Variants in PCSK5 observed in about 807,000 individuals in gnomAD.
The protein encoded by PCSK5 is proprotein convertase subtilisin/kexin type 5.
In PCSK5, 129 loss-of-function variants were observed where a neutral mutation model predicts 233.2. The observed-to-expected ratio is 0.55, with a 90% CI of 0.48 to 0.64. The LOEUF (loss-of-function observed/expected upper bound fraction) is 0.64. PCSK5 is among the 30% of genes least tolerant of loss of function. The pLI is 0.00. For missense variants in PCSK5, 2,076 were observed against 2,430.1 expected (o/e 0.85, Z 3.06); for synonymous variants, 825 against 879.2 (o/e 0.94, Z 1.09).
intron 7 of PCSK5, among the ~76,000 whole-genome samples, chr9:76,080,346 T>A (rs1370984064): frequency 6.6e-6 from 1 of 152,182 alleles, no homozygotes; most frequent in Non-Finnish European, 1.5e-5. Flanking sequence ...CCCTTCAGAA[T>A]CCCTTCTTTG....
At chr9:76,257,071 T>A (rs1314113062) in intron 24 of PCSK5, among the ~76,000 whole-genome samples, 1 of 152,220 alleles carries the variant, frequency 6.6e-6, no homozygotes, top group Non-Finnish European at 1.5e-5. Context: ...TCACCCTTTT[T>A]CTGAGAAGCC....
intron 5 of PCSK5, among the ~76,000 whole-genome samples, chr9:76,055,590 T>C (rs1413747475): frequency 6.6e-6 from 1 of 152,078 alleles, no homozygotes; most frequent in African/African-American, 2.4e-5. Context: ...TACTATCAAA[T>C]ATGCTGTCAT....
intron 3 of PCSK5, among the ~76,000 whole-genome samples, chr9:76,008,306 T>G (rs1396825728): frequency 6.6e-6 from 1 of 152,162 alleles, no homozygotes; most frequent in Non-Finnish European, 1.5e-5. Flanking sequence ...GTTTAAAAAT[T>G]TCATAGTTTC....
At chr9:76,102,053 C>T (rs546436583) in intron 8 of PCSK5, among the ~76,000 whole-genome samples, 7 of 152,292 alleles carry the variant, frequency 4.6e-5, no homozygotes, top group South Asian at 4.1e-4. Context: ...TAAAAGGAAA[C>T]GTTGCTTCTG....
At chr9:75,935,893 A>T (rs1452853594) in intron 2 of PCSK5, among the ~76,000 whole-genome samples, 1 of 152,186 alleles carries the variant, frequency 6.6e-6, no homozygotes, top group East Asian at 1.9e-4. Flanking sequence ...GTTAACTTTG[A>T]ACAAATGGTA....
chr9:76,034,418 C>T (rs1344937768), intron 5 of PCSK5, among the ~76,000 whole-genome samples: 3 of 152,184 alleles, frequency 2.0e-5, no homozygotes, highest in Admixed American at 2.0e-4. Flanking sequence ...AAATCCTTTA[C>T]TATCTTGACA....
intron 2 of PCSK5, among the ~76,000 whole-genome samples, chr9:75,948,750 T>C (rs746529312): frequency 2.2e-4 from 33 of 152,200 alleles, no homozygotes; most frequent in Non-Finnish European, 3.4e-4. Context: ...TCTTCTACAA[T>C]GGTTGAACTA....
chr9:76,332,474 G>C lies in PCSK5; in HGVS notation c.4612G>C (p.Asp1538His). ...GGACTGCCCAGAGGGCTATTATGCC[G>C]ATGAGGACAGCAACCGGTGTGCCCA... ...VKDCPEGYYA[D>H]EDSNRCAHCH... The change falls in exon 34 of 38, where the codon GAT becomes CAT. Residue 1538 changes from aspartate to histidine, a missense_variant. Asp to His is a moderately conservative substitution (Grantham distance 81). This residue lies in a region of PCSK5 where 1,510 missense variants were observed against 1,538.1 expected (regional missense o/e 0.98). Coordinates refer to ENST00000674117, the MANE Select transcript of PCSK5 (RefSeq NM_001372043.1). 6.2e-7 allele frequency: 1 copy of C among 1,612,612 alleles called. No homozygotes were observed. Among genetic ancestry groups the C allele is most frequent in the South Asian group, 1.1e-5 (1 of 91,074 alleles).
In PCSK5 at chr9:75,956,446, A is replaced by G. The variant is rs187707358; in HGVS notation, c.297+23963A>G. Among the ~76,000 whole-genome samples, 583 of 152,334 alleles carry G rather than the reference A, an allele frequency of 3.8e-3. 5 individuals carry two copies. Among genetic ancestry groups the G allele is most frequent in the African/African-American group, 0.011 (462 of 41,578 alleles). On this transcript the variant is annotated intron_variant, in intron 2 of 37. Transcript: ENST00000674117. ...CCTGATTGGTTAGATTCCAAAGCCC[A>G]TACCTACCCTTGGTCACTTCCCAGA...
At position 75,904,714 on chromosome 9, in the gene PCSK5, T is replaced by C. The variant is rs149726802; in HGVS notation, c.192+13341T>C. Among the ~76,000 whole-genome samples, 782 of 152,308 alleles carry C rather than the reference T, an allele frequency of 5.1e-3. 10 individuals are homozygous for C. Among genetic ancestry groups the C allele is most frequent in the African/African-American group, 0.018 (732 of 41,574 alleles). On this transcript the variant is annotated intron_variant, in intron 1 of 37. Coordinates refer to ENST00000674117, the MANE Select transcript of PCSK5 (RefSeq NM_001372043.1). Reference sequence around the variant, plus strand: ...ATGTGCTAATGGGAATGTAAAGCTGTGAGACCACTTTGGAAAACTGTCTGG... The same window carrying C: ...ATGTGCTAATGGGAATGTAAAGCTGCGAGACCACTTTGGAAAACTGTCTGG...
chr9:75,928,193 T>C (rs1823586101), intron 1 of PCSK5, among the ~76,000 whole-genome samples: 1 of 152,150 alleles, frequency 6.6e-6, no homozygotes, highest in African/African-American at 2.4e-5. Flanking sequence ...GTAGCTAGCT[T>C]TAAGGAAAAG....
Position 76,159,182 on chromosome 9 carries a change from G to C in PCSK5, c.1619+11G>C, listed in dbSNP as rs1822738756. The C allele has an allele frequency of 1.2e-6, 2 of 1,612,956 alleles. No homozygotes were observed. The highest frequency in any genetic ancestry group is 1.7e-6 in the Non-Finnish European group (2 of 1,179,226). On this transcript the variant is annotated intron_variant, in intron 12 of 37. Transcript: ENST00000674117. Reference sequence around the variant, plus strand: ...GCTTTTGGCCAACAGGTACAGCAGTGGTCTCTGCCCACCAGTGTAGTAGTC... The same window carrying C: ...GCTTTTGGCCAACAGGTACAGCAGTCGTCTCTGCCCACCAGTGTAGTAGTC...
At chr9:75,953,646 C>G (rs79246692) in intron 2 of PCSK5, among the ~76,000 whole-genome samples, 6 of 149,794 alleles carry the variant, frequency 4.0e-5, no homozygotes, top group East Asian at 2.0e-4. Flanking sequence ...GTGTGTGTGT[C>G]TGTGTGTGTG....
At chr9:75,937,421 C>T (rs1171198280) in intron 2 of PCSK5, among the ~76,000 whole-genome samples, 2 of 152,084 alleles carry the variant, frequency 1.3e-5, no homozygotes, top group Non-Finnish European at 2.9e-5. Context: ...TCAGGTGATC[C>T]TCCTGCCTTG....
At chr9:75,912,145 A>ATT (rs148967301) in intron 1 of PCSK5, among the ~76,000 whole-genome samples, 1 of 151,710 alleles carries the variant, frequency 6.6e-6, no homozygotes, top group African/African-American at 2.4e-5. Context: ...GAGACTGGAA[A>ATT]TTTTTTTTTC....
chr9:76,268,513 T>C (rs917675205), intron 24 of PCSK5, among the ~76,000 whole-genome samples: 5 of 152,156 alleles, frequency 3.3e-5, no homozygotes, highest in Non-Finnish European at 7.4e-5. Context: ...CAGTCTGTAG[T>C]ATAAGGAGAA....
At chr9:76,265,797 T>C (rs965050198) in intron 24 of PCSK5, among the ~76,000 whole-genome samples, 2 of 152,198 alleles carry the variant, frequency 1.3e-5, no homozygotes, top group African/African-American at 2.4e-5. Flanking sequence ...GGTGACCACC[T>C]TCTAAAGCAA....
chr9:76,184,338 C>G lies in PCSK5; in HGVS notation c.2198-335C>G, dbSNP rs545718668. Among the ~76,000 whole-genome samples, 7 of 151,256 alleles carry G rather than the reference C, an allele frequency of 4.6e-5. No homozygotes were observed. The South Asian group carries it at 1.5e-3, about 32-fold the overall frequency. ...CCCAGCTTCATGAGGGGGATTTGCA[C>G]TGTTGCAAGTTAGGAAACCCTCCTG... On this transcript the variant is annotated intron_variant, in intron 16 of 37. Transcript: ENST00000674117.
At chr9:76,339,001 T>C (rs1829757801) in intron 35 of PCSK5, among the ~76,000 whole-genome samples, 1 of 151,808 alleles carries the variant, frequency 6.6e-6, no homozygotes, top group South Asian at 2.1e-4. Flanking sequence ...CAAATAGTTA[T>C]CTAATGAGAT....
Sources: gnomAD v4.1 joint callset for allele counts (sites outside exome capture counted in the v4.1 genomes callset) on GRCh38, gnomAD v4.1.1 for gene constraint, gnomAD v4.1.1 regional missense constraint, MANE v1.5 for transcripts, NCBI Gene and HGNC (gene_info 2026-07-23, HGNC 2026-07-21) for gene names.